The following SCHIP1 variants were observed in gnomAD, a reference collection of about 807,000 sequenced individuals.
The protein encoded by SCHIP1 is schwannomin interacting protein 1, also known as schwannomin-interacting protein 1.
SCHIP1 carries 8 observed loss-of-function variants against 29.7 expected under a neutral mutation model. The ratio of observed to expected loss-of-function variants is 0.27; its 90% confidence interval spans 0.16 to 0.49. The LOEUF (loss-of-function observed/expected upper bound fraction) is 0.49. Among genes scored for constraint, SCHIP1 ranks in the 20% least tolerant of loss-of-function variants. The probability of loss-of-function intolerance (pLI) is 0.99; values close to 1 mark genes in which losing one functional copy is unlikely to be tolerated. For missense variants in SCHIP1, 193 were observed against 294.6 expected (o/e 0.66, Z 2.52); for synonymous variants, 76 against 94.9 (o/e 0.80, Z 1.16).
the SCHIP1 span, among the ~76,000 whole-genome samples, chr3:159,617,449 A>G: frequency 6.6e-6 from 1 of 152,258 alleles, no homozygotes; most frequent in South Asian, 2.1e-4. Context: ...CTCCCTAACA[A>G]TCTCATTAAA....
chr3:159,524,016 A>G, the SCHIP1 span, among the ~76,000 whole-genome samples: 3 of 152,258 alleles, frequency 2.0e-5, no homozygotes, highest in Admixed American at 6.5e-5. Flanking sequence ...TGATGCAGAA[A>G]TATCAGCATC....
chr3:159,397,427 C>CT, the SCHIP1 span, among the ~76,000 whole-genome samples: 3 of 152,062 alleles, frequency 2.0e-5, no homozygotes, highest in African/African-American at 4.8e-5. Context: ...TCTTTCTGTT[C>CT]TTTTTTTTCC....
At chr3:159,847,598 G>T (rs1479493630) in intron 1 of SCHIP1, among the ~76,000 whole-genome samples, 1 of 152,124 alleles carries the variant, frequency 6.6e-6, no homozygotes, top group African/African-American at 2.4e-5. Context: ...GGTTCCACTT[G>T]GAAGCTGTGC....
the SCHIP1 span, among the ~76,000 whole-genome samples, chr3:159,543,231 T>C: frequency 2.0e-5 from 3 of 151,634 alleles, no homozygotes; most frequent in Non-Finnish European, 4.4e-5. Flanking sequence ...TATTATACTT[T>C]AAGTTTTAGG....
chr3:159,605,659 A>C, the SCHIP1 span, among the ~76,000 whole-genome samples: 1 of 152,228 alleles, frequency 6.6e-6, no homozygotes, highest in Non-Finnish European at 1.5e-5. Flanking sequence ...ATGGGAAGAA[A>C]AAAACAGCTA....
the SCHIP1 span, among the ~76,000 whole-genome samples, chr3:159,439,387 G>C: frequency 6.6e-6 from 1 of 152,118 alleles, no homozygotes; most frequent in Admixed American, 6.6e-5. Context: ...AAGGAGAAGT[G>C]CCAAGTGAAG....
chr3:159,670,404 T>C, the SCHIP1 span, among the ~76,000 whole-genome samples: 1 of 152,168 alleles, frequency 6.6e-6, no homozygotes, highest in African/African-American at 2.4e-5. Context: ...AGTATATCAA[T>C]GTTTAGTTGA....
chr3:159,501,657 CA>C, the SCHIP1 span, among the ~76,000 whole-genome samples: 2 of 152,120 alleles, frequency 1.3e-5, no homozygotes, highest in Non-Finnish European at 2.9e-5. Flanking sequence ...ACTTTTTTCT[CA>C]AATTATGATT....
the SCHIP1 span, among the ~76,000 whole-genome samples, chr3:159,527,782 T>C: frequency 6.6e-6 from 1 of 152,204 alleles, no homozygotes; most frequent in African/African-American, 2.4e-5. Context: ...GGAGGGTAAG[T>C]GATGTCCAAT....
the SCHIP1 span, among the ~76,000 whole-genome samples, chr3:159,534,045 C>G: frequency 1.3e-5 from 2 of 152,290 alleles, no homozygotes; most frequent in East Asian, 1.9e-4. Flanking sequence ...AGATCACAGT[C>G]AATTGCAAGT....
At chr3:159,323,146 A>G in the SCHIP1 span, among the ~76,000 whole-genome samples, 2 of 152,220 alleles carry the variant, frequency 1.3e-5, no homozygotes. Flanking sequence ...CCTGAAAATT[A>G]TATACTAATT....
At chr3:159,761,177 C>T in the SCHIP1 span, among the ~76,000 whole-genome samples, 7 of 152,256 alleles carry the variant, frequency 4.6e-5, no homozygotes, top group Admixed American at 3.3e-4. Context: ...TTCAGATTTG[C>T]ATTTTAGTAA....
At chr3:159,565,335 T>A in the SCHIP1 span, among the ~76,000 whole-genome samples, 1 of 152,238 alleles carries the variant, frequency 6.6e-6, no homozygotes, top group Admixed American at 6.5e-5. Context: ...AACATTATAC[T>A]AAGTCTTTAG....
the SCHIP1 span, among the ~76,000 whole-genome samples, chr3:159,692,510 C>T: frequency 6.6e-6 from 1 of 152,184 alleles, no homozygotes; most frequent in Non-Finnish European, 1.5e-5. Context: ...TCTGCTCAAT[C>T]AATTCGGCTA....
chr3:159,563,909 G>A, the SCHIP1 span, among the ~76,000 whole-genome samples: 1 of 152,078 alleles, frequency 6.6e-6, no homozygotes, highest in Non-Finnish European at 1.5e-5. Context: ...TCTCTTACAT[G>A]AGAACGTACC....
the SCHIP1 span, among the ~76,000 whole-genome samples, chr3:159,536,679 A>G: frequency 1.3e-5 from 2 of 152,178 alleles, no homozygotes; most frequent in African/African-American, 4.8e-5. Context: ...GGTATCACCT[A>G]AGGAGCAAGG....
At chr3:159,659,330 C>G in the SCHIP1 span, among the ~76,000 whole-genome samples, 1 of 152,214 alleles carries the variant, frequency 6.6e-6, no homozygotes, top group South Asian at 2.1e-4. Context: ...CTGCTGTGCT[C>G]TCTGTTGTGC....
the SCHIP1 span, among the ~76,000 whole-genome samples, chr3:159,487,557 T>C: frequency 6.6e-6 from 1 of 152,174 alleles, no homozygotes; most frequent in African/African-American, 2.4e-5. Flanking sequence ...TCTATCCAAA[T>C]AAGCTTGGCC....
the SCHIP1 span, among the ~76,000 whole-genome samples, chr3:159,571,757 G>A: frequency 6.6e-6 from 1 of 152,082 alleles, no homozygotes; most frequent in African/African-American, 2.4e-5. Context: ...GTCTGGTCCT[G>A]GACTTTTTTT....
Sources: gnomAD v4.1 joint callset for allele counts (sites outside exome capture counted in the v4.1 genomes callset) on GRCh38, gnomAD v4.1.1 for gene constraint, MANE v1.5 for transcripts, NCBI Gene and HGNC (gene_info 2026-07-23, HGNC 2026-07-21) for gene names.